The following MAP4 variants were observed in gnomAD, a reference collection of about 807,000 sequenced individuals.
MAP4 encodes the protein microtubule associated protein 4.
MAP4 carries 76 observed loss-of-function variants against 170.2 expected under a neutral mutation model. The observed-to-expected ratio is 0.45, with a 90% CI of 0.37 to 0.54. The LOEUF (loss-of-function observed/expected upper bound fraction) is 0.54, where lower values mean the gene tolerates loss of function less well. Ranked by LOEUF, MAP4 falls within the 20% of genes least tolerant of loss-of-function variation. The pLI, the probability that MAP4 is intolerant of heterozygous loss-of-function variation, is 0.00. For synonymous variants in MAP4, 909 were observed against 994.5 expected (o/e 0.91, Z 1.62); for missense variants, 2,506 against 2,748.0 (o/e 0.91, Z 1.97).
chr3:47,887,538 C>G (rs1327593969), intron 10 of MAP4, among the ~76,000 whole-genome samples: 2 of 152,248 alleles, frequency 1.3e-5, no homozygotes, highest in Non-Finnish European at 2.9e-5. Flanking sequence ...AAGCACCACC[C>G]CCTGCTCCAC....
At position 47,998,486 on chromosome 3, in the gene MAP4, G is replaced by A. The variant is rs575602152; in HGVS notation, c.223+152C>T. On this transcript the variant is annotated intron_variant, in intron 2 of 20. Transcript: ENST00000683076. ...TGAACGCTCACTCAAAGGGTGGTAA[G>A]TCTACCTCCTCGGTATCTAACAAAG... is the stretch of plus-strand genomic sequence containing the variant. The A allele has an allele frequency of 1.7e-4, 108 of 644,236 alleles. 1 individual carries two copies. In the African/African-American group the frequency reaches 1.7e-3, roughly 10 times the overall value. The allele number at this position is 644,236 out of a possible 1,614,324, so 39.9% of individuals were successfully genotyped here. A position where few individuals can be genotyped will look rare whatever the true frequency, so the allele number is the denominator to read the frequency against.
At chr3:48,066,822 CTTTTTTTTTTTTTTTTTTTTTT>C (rs55939839) in intron 1 of MAP4, among the ~76,000 whole-genome samples, 93 of 65,832 alleles carry the variant, frequency 1.4e-3, no homozygotes, top group African/African-American at 5.8e-3. Flanking sequence ...TCTCTAATTC[CTTTTTTTTTTTTTTTTTTTTTT>C]TTTTTTTTTT....
chr3:48,018,268 C>T (rs773965416), upstream of MAP4, among the ~76,000 whole-genome samples: 34 of 152,218 alleles, frequency 2.2e-4, 1 homozygote, highest in South Asian at 6.2e-4. Flanking sequence ...AAGAGAGGAC[C>T]ACATCAAAGT....
chr3:47,883,368 G>A (rs780279820), intron 10 of MAP4, among the ~76,000 whole-genome samples: 2 of 152,040 alleles, frequency 1.3e-5, no homozygotes, highest in Non-Finnish European at 2.9e-5. Flanking sequence ...GGGATTACAG[G>A]TATGCGTCAC....
rs747119009 is a variant in MAP4 at position 47,853,370 on chromosome 3, G to A, written c.6697-18C>T. 1.3e-6 allele frequency: 2 copies of A among 1,580,562 alleles called. No homozygotes were observed. Among genetic ancestry groups the A allele is most frequent in the Non-Finnish European group, 1.7e-6 (2 of 1,164,546 alleles). Reference sequence around the variant, plus strand: ...CCCTCAGTCTACAATGAAACAGTGGGGGAGACAGTGCAGGGTCAGTCGAGG... The same window carrying A: ...CCCTCAGTCTACAATGAAACAGTGGAGGAGACAGTGCAGGGTCAGTCGAGG... On this transcript the variant is annotated intron_variant, in intron 19 of 20. Coordinates refer to ENST00000683076, the MANE Select transcript of MAP4 (RefSeq NM_001385682.1).
At chr3:47,872,155 T>A (rs2152238756) in intron 12 of MAP4, 55 bp from the exon 13 acceptor site, 5 of 1,442,608 alleles carry the variant, frequency 3.5e-6, no homozygotes, top group East Asian at 4.6e-5. Flanking sequence ...CCCCAAGGAG[T>A]CACGCTACAA....
intron 1 of MAP4, among the ~76,000 whole-genome samples, chr3:48,005,253 C>CAA (rs1559777678): frequency 9.1e-4 from 138 of 152,118 alleles, no homozygotes; most frequent in African/African-American, 3.2e-3. Context: ...CCCAGCTACT[C>CAA]GGCAGGCTGA....
chr3:47,904,874 T>C (rs576393088), intron 9 of MAP4, among the ~76,000 whole-genome samples: 4 of 152,284 alleles, frequency 2.6e-5, no homozygotes, highest in South Asian at 2.1e-4. Context: ...TTCACCATGT[T>C]GGCCAGGCTG....
Position 47,970,937 on chromosome 3 carries a change from T to C in MAP4, c.292+6928A>G, listed in dbSNP as rs78107777. On this transcript the variant is annotated intron_variant, in intron 3 of 20. Transcript: ENST00000683076. ...GAAACTGAAATAACGTGGCTTAGAGTATTAATTAAATGCTTGGCTTAGAAA... is the reference window on the plus strand; with the variant it reads ...GAAACTGAAATAACGTGGCTTAGAGCATTAATTAAATGCTTGGCTTAGAAA... Among the ~76,000 whole-genome samples, 375 of 152,328 alleles carry C rather than the reference T, an allele frequency of 2.5e-3. 18 individuals are homozygous for C. In the East Asian group the frequency reaches 0.065, roughly 26 times the overall value.
intron 17 of MAP4, among the ~76,000 whole-genome samples, chr3:47,858,115 G>A (rs1248772937): frequency 6.7e-6 from 1 of 150,294 alleles, no homozygotes; most frequent in Non-Finnish European, 1.5e-5. Flanking sequence ...CCGGGTTCAA[G>A]TGATTCTTCT....
At chr3:47,883,625 C>T (rs1400908372) in intron 10 of MAP4, among the ~76,000 whole-genome samples, 3 of 152,170 alleles carry the variant, frequency 2.0e-5, no homozygotes, top group Non-Finnish European at 4.4e-5. Flanking sequence ...CCTCCTTTAG[C>T]CATTCTCTAA....
chr3:47,987,922 C>T (rs944842153), intron 2 of MAP4, among the ~76,000 whole-genome samples: 1 of 152,064 alleles, frequency 6.6e-6, no homozygotes, highest in South Asian at 2.1e-4. Flanking sequence ...AGGCCGGGCA[C>T]GGTGGCTCAC....
chr3:47,975,054 T>C (rs2100081170), intron 3 of MAP4: 1 of 1,035,492 alleles, frequency 9.7e-7, no homozygotes, highest in African/African-American at 1.7e-5. Flanking sequence ...CTATTCTGAT[T>C]CATGTTGAAC....
intron 15 of MAP4, among the ~76,000 whole-genome samples, chr3:47,869,668 C>G (rs1353048913): frequency 6.6e-6 from 1 of 152,014 alleles, no homozygotes; most frequent in East Asian, 1.9e-4. Context: ...TACAATACCC[C>G]CCACCCCATG....
At chr3:48,061,828 G>T (rs1244618826) in intron 1 of MAP4, among the ~76,000 whole-genome samples, 1 of 136,742 alleles carries the variant, frequency 7.3e-6, no homozygotes, top group Non-Finnish European at 1.6e-5. Flanking sequence ...CGCCCCATCC[G>T]GGAGGGAGGT....
chr3:47,854,480 C>CTCCCCTGCGCACCT (rs1381735143), intron 19 of MAP4, among the ~76,000 whole-genome samples: 1 of 152,200 alleles, frequency 6.6e-6, no homozygotes, highest in Non-Finnish European at 1.5e-5. Flanking sequence ...CCTGGCCCCT[C>CTCCCCTGCGCACCT]TCCCCTGCGC....
At chr3:47,922,238 C>T (rs2100043344) in intron 4 of MAP4, among the ~76,000 whole-genome samples, 1 of 152,154 alleles carries the variant, frequency 6.6e-6, no homozygotes, top group Admixed American at 6.5e-5. Context: ...CGTGAGCCAC[C>T]ATGCCTGGCC....
chr3:47,974,105 A>G lies in MAP4; in HGVS notation c.292+3760T>C, dbSNP rs546876914. The G allele has an allele frequency of 3.0e-6, 3 of 985,300 alleles. No homozygotes were observed. In the African/African-American group the frequency reaches 5.2e-5, roughly 17 times the overall value. 61.0% of individuals were successfully genotyped at this position (985,300 alleles called of 1,614,324 possible). A position where few individuals can be genotyped will look rare whatever the true frequency, so the allele number is the denominator to read the frequency against. On this transcript the variant is annotated intron_variant, in intron 3 of 20. Coordinates refer to ENST00000683076, the MANE Select transcript of MAP4 (RefSeq NM_001385682.1). ...GATATTCTAATCTTACCATCTCAAA[A>G]GTAGTTCTGTATCAGGGGATCTAAA...
intron 3 of MAP4, among the ~76,000 whole-genome samples, chr3:47,956,343 G>T (rs892648336): frequency 6.6e-6 from 1 of 152,130 alleles, no homozygotes; most frequent in African/African-American, 2.4e-5. Context: ...ACTCAAGTCT[G>T]GTTTACACAT....
Sources: allele counts gnomAD v4.1 joint callset (sites outside exome capture counted in the v4.1 genomes callset), GRCh38; gene constraint gnomAD v4.1.1; transcripts MANE v1.5; gene names NCBI Gene and HGNC (gene_info 2026-07-23, HGNC 2026-07-21).